Variants in SNAPC1 observed in about 807,000 individuals in gnomAD.
SNAPC1 encodes small nuclear RNA activating complex polypeptide 1.
A neutral mutation model predicts 50.1 loss-of-function variants in SNAPC1; 42 were observed. That is an observed-to-expected ratio of 0.84 (90% CI 0.65 to 1.08). The LOEUF (loss-of-function observed/expected upper bound fraction) is 1.08. Among genes scored for constraint, SNAPC1 ranks in the 50% least tolerant of loss-of-function variants. The pLI is 0.00. For synonymous variants in SNAPC1, 164 were observed against 144.2 expected, an observed-to-expected ratio of 1.14 and a Z score of -0.98; for missense variants, 477 against 427.3, an observed-to-expected ratio of 1.12 and a Z score of -1.02.
intron 1 of SNAPC1, among the ~76,000 whole-genome samples, chr14:61,765,634 C>CATCTATCATCTATCT (rs2044941414): frequency 2.0e-5 from 3 of 152,108 alleles, no homozygotes; most frequent in African/African-American, 7.2e-5. Context: ...TCTCAGTGAG[C>CATCTATCATCTATCT]CGAGAAGTCA....
chr14:61,794,890 T>C (rs1271433558), intron 9 of SNAPC1, 59 bp from the exon 10 acceptor site: 1 of 1,215,726 alleles, frequency 8.2e-7, no homozygotes, highest in Admixed American at 1.8e-5. Context: ...CAGTTGTTTT[T>C]TTTGTTTGTT....
intron 3 of SNAPC1, 150 bp downstream of exon 3, chr14:61,767,502 C>T (rs531843682): frequency 1.3e-5 from 6 of 444,538 alleles, no homozygotes; most frequent in Admixed American, 4.6e-5. Context: ...CTTGCTCTGT[C>T]GCCCAGGCTG....
In SNAPC1 at chr14:61,795,125, G is replaced by C; in HGVS notation, c.*142G>C. 1.8e-6 allele frequency: 1 copy of C among 555,890 alleles called. No individual in the cohort carries two copies. Among genetic ancestry groups the C allele is most frequent in the Non-Finnish European group, 3.2e-6 (1 of 313,128 alleles). 34.4% of individuals were successfully genotyped at this position (555,890 alleles called of 1,614,324 possible). On this transcript the variant is annotated 3_prime_UTR_variant, in exon 10 of 10. Transcript: ENST00000216294. Reference sequence around the variant, plus strand: ...GGTTATTTCTTGGAAATTGCAATACGTAGTTCTAGAATAAAAGTACAAAAA... The same window carrying C: ...GGTTATTTCTTGGAAATTGCAATACCTAGTTCTAGAATAAAAGTACAAAAA...
rs35300490 is a variant in SNAPC1 at position 61,774,648 on chromosome 14, A to ATTTTT, written c.535-1421_535-1417dup. On this transcript the variant is annotated intron_variant, in intron 4 of 9. Coordinates refer to ENST00000216294, the MANE Select transcript of SNAPC1 (RefSeq NM_003082.4). ...ACTCACCACTATTGATCAGTTTCTC[A>ATTTTT]TTTTTTTTTTTTTTTTTTTTTTTTT... is the stretch of plus-strand genomic sequence containing the variant. 2.0e-3 allele frequency among the ~76,000 whole-genome samples: 183 copies of ATTTTT among 90,904 alleles called. 12 individuals carry two copies. The highest frequency in any genetic ancestry group is 4.2e-3 in the African/African-American group (102 of 24,212). 59.6% of individuals were successfully genotyped at this position (90,904 alleles called of 152,430 possible). A position where few individuals can be genotyped will look rare whatever the true frequency, so the allele number is the denominator to read the frequency against.
chr14:61,775,326 G>C (rs906722642), intron 4 of SNAPC1, among the ~76,000 whole-genome samples: 1 of 151,530 alleles, frequency 6.6e-6, no homozygotes, highest in Non-Finnish European at 1.5e-5. Context: ...TTCAATCTTG[G>C]CTCACTGCAA....
Position 61,766,974 on chromosome 14 carries a change from T to C in SNAPC1, c.227T>C (p.Val76Ala), listed in dbSNP as rs148447482. The part of the protein sequence containing the change: ...FLPPYTFQIR[V>A]GALYLLYGLY... ...CCTCCATACACCTTCCAGATCAGAG[T>C]TGGTGCTTTGTATCTGCTATATGGA... Residue 76 changes from valine to alanine, a missense_variant, in exon 2 of 10, where the codon GTT becomes GCT. By Grantham distance (64) the Val-to-Ala change is moderately conservative. Coordinates refer to ENST00000216294, the MANE Select transcript of SNAPC1 (RefSeq NM_003082.4). 2,135 of 1,610,996 alleles carry C rather than the reference T, an allele frequency of 1.3e-3. 1 individual carries two copies. The highest frequency in any genetic ancestry group is 1.7e-3 in the Non-Finnish European group (2,002 of 1,177,332).
chr14:61,793,354 C>T (rs1479468305), intron 9 of SNAPC1, among the ~76,000 whole-genome samples: 14 of 151,992 alleles, frequency 9.2e-5, no homozygotes, highest in African/African-American at 2.7e-4. Context: ...CCTCCCCTCC[C>T]GCCTCAGCCT....
intron 9 of SNAPC1, among the ~76,000 whole-genome samples, chr14:61,794,579 G>A (rs1288056727): frequency 6.6e-6 from 1 of 151,942 alleles, no homozygotes; most frequent in African/African-American, 2.4e-5. Flanking sequence ...CTAATTTTTT[G>A]TATTTATTTT....
At chr14:61,769,674 G>A (rs1032296993) in intron 4 of SNAPC1, among the ~76,000 whole-genome samples, 1 of 152,142 alleles carries the variant, frequency 6.6e-6, no homozygotes, top group South Asian at 2.1e-4. Flanking sequence ...TGGGATTACA[G>A]GCGTGAGCCA....
chr14:61,768,786 T>C, intron 4 of SNAPC1, 46 bp downstream of exon 4: 1 of 997,316 alleles, frequency 1.0e-6, no homozygotes, highest in Non-Finnish European at 1.6e-6. Context: ...AATTGTTTTA[T>C]TGCCAACTAC....
chr14:61,791,839 T>C (rs1331679012), intron 8 of SNAPC1, among the ~76,000 whole-genome samples: 1 of 151,366 alleles, frequency 6.6e-6, no homozygotes, highest in Non-Finnish European at 1.5e-5. Flanking sequence ...ACAGAGAGAC[T>C]CTGTCTCAAA....
intron 1 of SNAPC1, among the ~76,000 whole-genome samples, chr14:61,764,468 G>A (rs1197204691): frequency 2.0e-5 from 3 of 151,974 alleles, no homozygotes; most frequent in Admixed American, 6.6e-5. Flanking sequence ...GCTACTACAT[G>A]CCATTTATTT....
rs772978752 is a variant in SNAPC1 at position 61,778,096 on chromosome 14, A to G, written c.718A>G (p.Asn240Asp). 3 of 1,603,192 alleles carry G rather than the reference A, an allele frequency of 1.9e-6. No homozygotes were observed. The Admixed American group carries it at 5.1e-5, about 27-fold the overall frequency. Residue 240 changes from asparagine (N) to aspartate (D), a missense_variant, in exon 6 of 10, where the codon AAT becomes GAT. Transcript: ENST00000216294. ...GAATCCATCCTTAAAGTCAAAAACT[A>G]ATGATGGAGAAGAAAAAATGGAAGG... ...RKNPSLKSKT[N>D]DGEEKMEGNS...
At chr14:61,768,234 G>T (rs897186522) in intron 3 of SNAPC1, among the ~76,000 whole-genome samples, 1 of 152,198 alleles carries the variant, frequency 6.6e-6, no homozygotes, top group Non-Finnish European at 1.5e-5. Flanking sequence ...ATCTGCATTT[G>T]CTCATGTCTC....
At chr14:61,777,207 TAAAC>T (rs1239697416) in intron 5 of SNAPC1, among the ~76,000 whole-genome samples, 3 of 143,594 alleles carry the variant, frequency 2.1e-5, no homozygotes, top group Admixed American at 7.1e-5. Context: ...TTAGAAAAGA[TAAAC>T]AAGGAAACTG....
At chr14:61,770,105 A>G (rs566260858) in intron 4 of SNAPC1, among the ~76,000 whole-genome samples, 1 of 152,206 alleles carries the variant, frequency 6.6e-6, no homozygotes. Flanking sequence ...TATTACACAC[A>G]GTATATACCC....
chr14:61,782,762 C>T (rs985388715), intron 8 of SNAPC1, among the ~76,000 whole-genome samples: 19 of 151,744 alleles, frequency 1.3e-4, no homozygotes, highest in African/African-American at 3.9e-4. Flanking sequence ...ATATAAAAGT[C>T]GGGCATGGTA....
At chr14:61,767,742 G>C (rs1410524145) in intron 3 of SNAPC1, among the ~76,000 whole-genome samples, 1 of 151,820 alleles carries the variant, frequency 6.6e-6, no homozygotes, top group East Asian at 1.9e-4. Flanking sequence ...GATTACAGGC[G>C]TGAGCCACTG....
intron 4 of SNAPC1, among the ~76,000 whole-genome samples, chr14:61,775,499 C>T (rs902465236): frequency 6.6e-6 from 1 of 152,082 alleles, no homozygotes; most frequent in African/African-American, 2.4e-5. Flanking sequence ...GGTGATTCTC[C>T]CACCTTGGCC....
Sources: allele counts gnomAD v4.1 joint callset (sites outside exome capture counted in the v4.1 genomes callset), GRCh38; gene constraint gnomAD v4.1.1; transcripts MANE v1.5; gene names NCBI Gene and HGNC (gene_info 2026-07-23, HGNC 2026-07-21).